The following ELOVL6 variants were observed in gnomAD, a reference collection of about 807,000 sequenced individuals.
The protein encoded by ELOVL6 is very long chain fatty acid elongase 6.
ELOVL6 carries 8 observed loss-of-function variants against 31.7 expected under a neutral mutation model. That is an observed-to-expected ratio of 0.25 (90% CI 0.15 to 0.45). ELOVL6 has a LOEUF of 0.45. Among genes scored for constraint, ELOVL6 ranks in the 20% least tolerant of loss-of-function variants. ELOVL6 has a pLI of 1.00. For missense variants in ELOVL6, 126 were observed against 326.4 expected (o/e 0.39, Z 4.73); for synonymous variants, 101 against 117.7 (o/e 0.86, Z 0.92).
intron 1 of ELOVL6, among the ~76,000 whole-genome samples, chr4:110,154,868 G>A (rs1322845674): frequency 1.3e-5 from 2 of 152,162 alleles, no homozygotes; most frequent in African/African-American, 4.8e-5. Context: ...GAAATGCTAG[G>A]TCAAAAATGT....
intron 2 of ELOVL6, among the ~76,000 whole-genome samples, chr4:110,071,000 C>T (rs1755463646): frequency 6.6e-6 from 1 of 152,130 alleles, no homozygotes; most frequent in South Asian, 2.1e-4. Context: ...ATAACATTAT[C>T]TGTATAGAGT....
At chr4:110,194,026 A>T (rs1759702756) in intron 1 of ELOVL6, among the ~76,000 whole-genome samples, 3 of 152,226 alleles carry the variant, frequency 2.0e-5, no homozygotes, top group Admixed American at 2.0e-4. Flanking sequence ...CAACTGGAGC[A>T]ACTAGCATCC....
intron 1 of ELOVL6, among the ~76,000 whole-genome samples, chr4:110,112,174 T>C (rs1757051671): frequency 6.6e-6 from 1 of 152,178 alleles, no homozygotes; most frequent in Non-Finnish European, 1.5e-5. Context: ...TTTAAAAAGA[T>C]GTTCACAGAG....
At chr4:110,077,586 T>G (rs1267186867) in intron 2 of ELOVL6, among the ~76,000 whole-genome samples, 1 of 152,124 alleles carries the variant, frequency 6.6e-6, no homozygotes, top group Non-Finnish European at 1.5e-5. Flanking sequence ...AAACTCCATC[T>G]GTATGTCACC....
intron 2 of ELOVL6, among the ~76,000 whole-genome samples, chr4:110,095,338 T>C (rs1458288103): frequency 1.3e-5 from 2 of 151,990 alleles, no homozygotes; most frequent in African/African-American, 4.8e-5. Context: ...AAAAATTAGC[T>C]GGGCGTGGTG....
At chr4:110,060,076 C>T in intron 2 of ELOVL6, 1 of 203,160 alleles carries the variant, frequency 4.9e-6, no homozygotes. Flanking sequence ...GGAACTATTC[C>T]TTGGAGAGCA....
intron 1 of ELOVL6, among the ~76,000 whole-genome samples, chr4:110,186,822 A>AAAAAAT (rs1553963193): frequency 1.7e-5 from 1 of 59,432 alleles, no homozygotes; most frequent in African/African-American, 6.7e-5. Context: ...AAAAAAAAAA[A>AAAAAAT]ATATATATAT....
chr4:110,087,330 G>T (rs115156261), intron 2 of ELOVL6, among the ~76,000 whole-genome samples: 1 of 152,018 alleles, frequency 6.6e-6, no homozygotes, highest in Non-Finnish European at 1.5e-5. Flanking sequence ...CTGTAATTTT[G>T]ATCAGACGCT....
intron 1 of ELOVL6, among the ~76,000 whole-genome samples, chr4:110,178,013 GT>G (rs1759162204): frequency 6.6e-6 from 1 of 152,074 alleles, no homozygotes; most frequent in Non-Finnish European, 1.5e-5. Context: ...AAAGCTACTA[GT>G]TTTCTTTGCC....
rs1030862732 is a variant in ELOVL6 at position 110,049,029 on chromosome 4, T to C, written c.*2309A>G. On this transcript the variant is annotated 3_prime_UTR_variant, in exon 4 of 4. Transcript: ENST00000302274. ...GTCCTTCAATTAAATTCAAGTCAACTGTTATGTGGCCTTCTCCTCATTTTA... is the reference window on the plus strand; with the variant it reads ...GTCCTTCAATTAAATTCAAGTCAACCGTTATGTGGCCTTCTCCTCATTTTA... 3 of 152,224 alleles carry C rather than the reference T, an allele frequency of 2.0e-5. No individual in the cohort carries two copies. The highest frequency in any genetic ancestry group is 7.2e-5 in the African/African-American group (3 of 41,458). The allele number at this position is 152,224 out of a possible 1,614,324, so 9.4% of individuals were successfully genotyped here. A position where few individuals can be genotyped will look rare whatever the true frequency, so the allele number is the denominator to read the frequency against.
intron 3 of ELOVL6, among the ~76,000 whole-genome samples, chr4:110,053,790 AT>A (rs1754899563): frequency 6.6e-6 from 1 of 152,196 alleles, no homozygotes; most frequent in African/African-American, 2.4e-5. Flanking sequence ...AATTAAAAAA[AT>A]ATCCAGGTGT....
At chr4:110,183,009 C>CA (rs1422441016) in intron 1 of ELOVL6, among the ~76,000 whole-genome samples, 1 of 152,102 alleles carries the variant, frequency 6.6e-6, no homozygotes, top group African/African-American at 2.4e-5. Flanking sequence ...TGGGGAGTCA[C>CA]ACCATACAAA....
chr4:110,128,620 T>C (rs1757580347), intron 1 of ELOVL6, among the ~76,000 whole-genome samples: 1 of 152,214 alleles, frequency 6.6e-6, no homozygotes, highest in African/African-American at 2.4e-5. Context: ...ACTCGTTAAA[T>C]GTTTTACACA....
intron 2 of ELOVL6, 78 bp downstream of exon 2, chr4:110,105,419 A>C (rs1182388355): frequency 5.0e-6 from 7 of 1,410,920 alleles, no homozygotes; most frequent in Non-Finnish European, 5.8e-6. Flanking sequence ...CAGATTTAAA[A>C]TCAAATGCTC....
At chr4:110,088,111 C>G (rs771062740) in intron 2 of ELOVL6, among the ~76,000 whole-genome samples, 1 of 152,166 alleles carries the variant, frequency 6.6e-6, no homozygotes, top group Non-Finnish European at 1.5e-5. Flanking sequence ...GTGACCTTGA[C>G]CCTCAGTTTG....
intron 2 of ELOVL6, among the ~76,000 whole-genome samples, chr4:110,080,395 G>A (rs1755801546): frequency 6.6e-6 from 1 of 152,184 alleles, no homozygotes; most frequent in Non-Finnish European, 1.5e-5. Context: ...TAAACACCAT[G>A]ATCAAGTGGG....
intron 1 of ELOVL6, among the ~76,000 whole-genome samples, chr4:110,187,458 A>T (rs1016141909): frequency 6.6e-5 from 10 of 151,700 alleles, no homozygotes; most frequent in African/African-American, 1.7e-4. Context: ...AAAAAAAAAA[A>T]AATTGCTTGG....
intron 1 of ELOVL6, among the ~76,000 whole-genome samples, chr4:110,180,868 G>A (rs1042503502): frequency 1.3e-5 from 2 of 152,174 alleles, no homozygotes; most frequent in Admixed American, 1.3e-4. Flanking sequence ...CATGTGTGGT[G>A]GTTCACATCT....
chr4:110,166,609 C>CA (rs566592021), intron 1 of ELOVL6, among the ~76,000 whole-genome samples: 198 of 151,704 alleles, frequency 1.3e-3, no homozygotes, highest in African/African-American at 4.6e-3. Context: ...AACTCCGTCT[C>CA]AAAAAAAAGA....
Sources: allele counts gnomAD v4.1 joint callset (sites outside exome capture counted in the v4.1 genomes callset), GRCh38; gene constraint gnomAD v4.1.1; transcripts MANE v1.5; gene names NCBI Gene and HGNC (gene_info 2026-07-23, HGNC 2026-07-21).